LYZL6: variants seen among roughly 807,000 people sequenced by gnomAD.
The protein encoded by LYZL6 is lysozyme-like protein 6.
Under a neutral mutation model 15.0 loss-of-function variants are expected in LYZL6, and 21 were observed. The observed-to-expected ratio is 1.40, with a 90% CI of 1.00 to 2.02. The LOEUF is 2.02. Ranked by LOEUF, LYZL6 falls within the 30% of genes most tolerant of loss-of-function variation. LYZL6 has a pLI of 0.00. For synonymous variants in LYZL6, 72 were observed against 67.8 expected (o/e 1.06, Z -0.31); for missense variants, 173 against 180.5 (o/e 0.96, Z 0.24).
At position 35,937,857 on chromosome 17, in the gene LYZL6, C is replaced by T. The variant is rs750725816; in HGVS notation, c.199G>A (p.Asp67Asn). Reference protein sequence around the residue: ...FNISKINENADGSFDYGLFQI... With the variant: ...FNISKINENANGSFDYGLFQI... ...AAGAGGCCATAGTCAAAGCTTCCGT[C>T]TGCATTTTCATTTATCTTTGATATG... Residue 67 changes from aspartate to asparagine, a missense_variant, in exon 3 of 5, where the codon GAC (aspartate) becomes AAC (asparagine). Asp to Asn is a conservative substitution (Grantham distance 23). Transcript: ENST00000615905. 5.1e-5 allele frequency: 82 copies of T among 1,614,022 alleles called. No homozygotes were observed. Among genetic ancestry groups the T allele is most frequent in the Non-Finnish European group, 6.8e-5 (80 of 1,180,032 alleles).
chr17:35,934,909 T>C (rs772509270), intron 4 of LYZL6, 44 bp from the exon 5 acceptor site: 1 of 1,586,878 alleles, frequency 6.3e-7, no homozygotes, highest in South Asian at 1.1e-5. Flanking sequence ...ACTCAGTAAC[T>C]CTTCCACACA....
At chr17:35,937,621 C>A in intron 3 of LYZL6, 137 bp downstream of exon 3, 2 of 927,092 alleles carry the variant, frequency 2.2e-6, no homozygotes, top group Non-Finnish European at 1.6e-6. Context: ...CTCCAGCCCT[C>A]TGCTCAGTAA....
intron 2 of LYZL6, among the ~76,000 whole-genome samples, chr17:35,938,889 C>A (rs1306996309): frequency 6.6e-6 from 1 of 152,180 alleles, no homozygotes; most frequent in Non-Finnish European, 1.5e-5. Flanking sequence ...CACCATTGCT[C>A]CCCCTGCTTT....
intron 4 of LYZL6, among the ~76,000 whole-genome samples, chr17:35,935,287 G>C (rs1385086440): frequency 3.3e-5 from 5 of 152,206 alleles, no homozygotes; most frequent in Non-Finnish European, 7.3e-5. Context: ...TGTAGAGGCA[G>C]CCATTTGTGT....
In LYZL6 at chr17:35,936,741, C is replaced by G. The variant is rs1480986266; in HGVS notation, c.377+14G>C. The stretch of plus-strand genomic sequence containing the variant: ...TGGGGCTCTGCCCGCTGAGTCCCAC[C>G]GTGTCCTCCTCACCAGTTGTTCATC... On this transcript the variant is annotated intron_variant, in intron 4 of 4. Transcript: ENST00000615905. 5 of 1,611,774 alleles carry G rather than the reference C, an allele frequency of 3.1e-6. No homozygotes were observed. The highest frequency in any genetic ancestry group is 4.2e-6 in the Non-Finnish European group (5 of 1,179,192).
At chr17:35,940,526 G>A (rs1436690202) in intron 1 of LYZL6, among the ~76,000 whole-genome samples, 2 of 152,228 alleles carry the variant, frequency 1.3e-5, no homozygotes, top group Non-Finnish European at 2.9e-5. Flanking sequence ...TATAATTCAT[G>A]TATCATACAA....
chr17:35,937,704 G>A, intron 3 of LYZL6, 54 bp downstream of exon 3: 1 of 1,572,380 alleles, frequency 6.4e-7, no homozygotes, highest in Non-Finnish European at 8.7e-7. Flanking sequence ...GAAGTTCTGT[G>A]AGCAGAGCCT....
chr17:35,939,189 A>C, intron 2 of LYZL6, 29 bp downstream of exon 2: 1 of 1,604,764 alleles, frequency 6.2e-7, no homozygotes, highest in Non-Finnish European at 8.5e-7. Flanking sequence ...CAGAGGAGAA[A>C]TGGCTGGGGA....
intron 1 of LYZL6, among the ~76,000 whole-genome samples, chr17:35,940,433 T>C (rs965031929): frequency 1.3e-5 from 2 of 152,184 alleles, no homozygotes; most frequent in African/African-American, 2.4e-5. Context: ...TTGGGGCATG[T>C]CAAATGGACA....
chr17:35,934,812 C>T lies in LYZL6; in HGVS notation c.431G>A (p.Gly144Glu). ...SGRPLFYWLT[G>E]CRLR is the part of the protein sequence containing the mutation. Reference sequence around the variant, plus strand: ...CACCCTGTTTCATCTCAGGCGGCATCCTGTCAGCCAGTAGAAGAGTGGCCG... The same window carrying T: ...CACCCTGTTTCATCTCAGGCGGCATTCTGTCAGCCAGTAGAAGAGTGGCCG... The change falls in exon 5 of 5, where the codon GGA becomes GAA. Residue 144 changes from glycine (G) to glutamate (E), a missense_variant. Gly to Glu is a moderately conservative substitution (Grantham distance 98). Coordinates refer to ENST00000615905, the MANE Select transcript of LYZL6 (RefSeq NM_020426.4). The T allele has an allele frequency of 1.4e-5, 23 of 1,614,202 alleles. No individual in the cohort carries two copies. Among genetic ancestry groups the T allele is most frequent in the Non-Finnish European group, 1.9e-5 (23 of 1,180,036 alleles).
rs577650890 is a variant in LYZL6 at position 35,939,608 on chromosome 17, C to T, written c.-202-50G>A. ...ATCATGAACCTCCATATACCCACTT[C>T]TGAGCTTCAACATTCAAAAACCAAG... On this transcript the variant is annotated intron_variant, in intron 1 of 4. Coordinates refer to ENST00000615905, the MANE Select transcript of LYZL6 (RefSeq NM_020426.4). The T allele has an allele frequency of 8.4e-5, 26 of 311,350 alleles. No individual in the cohort carries two copies. In the East Asian group the frequency reaches 1.1e-3, roughly 14 times the overall value. 19.3% of individuals were successfully genotyped at this position (311,350 alleles called of 1,614,324 possible). A position where few individuals can be genotyped will look rare whatever the true frequency, so the allele number is the denominator to read the frequency against.
intron 2 of LYZL6, 148 bp from the exon 3 acceptor site, chr17:35,938,064 C>G: frequency 1.4e-6 from 1 of 692,416 alleles, no homozygotes; most frequent in Non-Finnish European, 2.4e-6. Context: ...TCTCCATTGA[C>G]TTGCCCTCTT....
At chr17:35,943,049 C>A (rs2072225649) in intron 1 of LYZL6, among the ~76,000 whole-genome samples, 1 of 152,030 alleles carries the variant, frequency 6.6e-6, no homozygotes, top group Admixed American at 6.5e-5. Flanking sequence ...CATGAATGCC[C>A]CTCTCTAGCC....
At chr17:35,937,658 A>T in intron 3 of LYZL6, 100 bp downstream of exon 3, 1 of 1,353,536 alleles carries the variant, frequency 7.4e-7, no homozygotes, top group South Asian at 1.4e-5. Flanking sequence ...TTTGAACCAT[A>T]TTTCTGGGGC....
chr17:35,937,867 AT>A lies in LYZL6; in HGVS notation c.188del (p.Asn63MetfsTer34), dbSNP rs2089389620. The A allele has an allele frequency of 4.3e-6, 7 of 1,614,048 alleles. No homozygotes were observed. Among genetic ancestry groups the A allele is most frequent in the Non-Finnish European group, 5.9e-6 (7 of 1,180,014 alleles). ...VESKFNISKI[N>X]ENADGSFDYG... ...AGTCAAAGCTTCCGTCTGCATTTTC[AT>A]TTATCTTTGATATGTTGAACTTGCT... On this transcript the variant is annotated frameshift_variant, in exon 3 of 5. Coordinates refer to ENST00000615905, the MANE Select transcript of LYZL6 (RefSeq NM_020426.4). LOFTEE classifies it high-confidence loss of function.
Position 35,939,198 on chromosome 17 carries a change from G to A in LYZL6, c.139+20C>T. 1 of 1,607,986 alleles carries A rather than the reference G, an allele frequency of 6.2e-7. No homozygotes were observed. Among genetic ancestry groups the A allele is most frequent in the South Asian group, 1.1e-5 (1 of 90,652 alleles). On this transcript the variant is annotated intron_variant, in intron 2 of 4. Coordinates refer to ENST00000615905, the MANE Select transcript of LYZL6 (RefSeq NM_020426.4). ...GACTAGCAGAGGAGAAATGGCTGGG[G>A]AGGGGCGGATGGTACTCACAGTCAC...
intron 2 of LYZL6, among the ~76,000 whole-genome samples, chr17:35,938,422 A>T (rs1253186918): frequency 6.6e-6 from 1 of 152,010 alleles, no homozygotes; most frequent in East Asian, 1.9e-4. Context: ...GATCGAGACC[A>T]TCCTGGCTAA....
At position 35,934,657 on chromosome 17, in the gene LYZL6, T is replaced by A. The variant is rs770045882; in HGVS notation, c.*139A>T. 17 of 751,220 alleles carry A rather than the reference T, an allele frequency of 2.3e-5. No individual in the cohort carries two copies. The highest frequency in any genetic ancestry group is 3.6e-5 in the Non-Finnish European group (17 of 465,798). The allele number at this position is 751,220 out of a possible 1,614,324, so 46.5% of individuals were successfully genotyped here. On this transcript the variant is annotated 3_prime_UTR_variant, in exon 5 of 5. Transcript: ENST00000615905. ...GGAAGCCAAGAAAACCATTTATTCC[T>A]GGGGCTCTGGTCAGTTTTAGTTGTA... is the stretch of plus-strand genomic sequence containing the variant.
chr17:35,942,957 A>G lies in LYZL6; in HGVS notation c.-203+610T>C, dbSNP rs575237391. Among the ~76,000 whole-genome samples, 28 of 152,312 alleles carry G rather than the reference A, an allele frequency of 1.8e-4. No homozygotes were observed. In the South Asian group the frequency reaches 5.4e-3, roughly 29 times the overall value. On this transcript the variant is annotated intron_variant, in intron 1 of 4. Transcript: ENST00000615905. ...GTGGTCGGGAATGGGGTGAGAGCCTATTAAAAACTCTGCTCTATACAGATA... is the reference window on the plus strand; with the variant it reads ...GTGGTCGGGAATGGGGTGAGAGCCTGTTAAAAACTCTGCTCTATACAGATA...
Sources: allele counts gnomAD v4.1 joint callset (sites outside exome capture counted in the v4.1 genomes callset), GRCh38; gene constraint gnomAD v4.1.1; transcripts MANE v1.5; gene names NCBI Gene and HGNC (gene_info 2026-07-23, HGNC 2026-07-21).